Variants in LUC7L3 observed in about 807,000 individuals in gnomAD.
The protein encoded by LUC7L3 is luc7-like protein 3.
In LUC7L3, 6 loss-of-function variants were observed where a neutral mutation model predicts 66.8. That is an observed-to-expected ratio of 0.09 (90% CI 0.05 to 0.18). LUC7L3 has a LOEUF of 0.18. LUC7L3 is among the 10% of genes least tolerant of loss of function. The probability of loss-of-function intolerance (pLI) is 1.00; values close to 1 mark genes in which losing one functional copy is unlikely to be tolerated. For missense variants in LUC7L3, 341 were observed against 531.1 expected (o/e 0.64, Z 3.52); for synonymous variants, 160 against 174.7 (o/e 0.92, Z 0.66).
chr17:50,745,641 A>G, intron 7 of LUC7L3, 79 bp from the exon 8 acceptor site: 1 of 1,148,244 alleles, frequency 8.7e-7, no homozygotes, highest in South Asian at 1.6e-5. Flanking sequence ...TGGTCTACAG[A>G]TAACTTCACA....
In LUC7L3 at chr17:50,735,246, GAA is replaced by G. The variant is rs373882860; in HGVS notation, c.100-1705_100-1704del. On this transcript the variant is annotated intron_variant, in intron 1 of 9. Transcript: ENST00000505658. ...ACTCTGTCTCAAAAAAAAAAAAAAA[GAA>G]AAAAAAAACTTTCGTGTCTGTGAGG... Among the ~76,000 whole-genome samples, 37 of 54,162 alleles carry G rather than the reference GAA, an allele frequency of 6.8e-4. 1 individual carries two copies. The highest frequency in any genetic ancestry group is 4.6e-3 in the African/African-American group (29 of 6,328). 35.5% of individuals were successfully genotyped at this position (54,162 alleles called of 152,430 possible).
chr17:50,727,870 C>T (rs945237930), intron 1 of LUC7L3, among the ~76,000 whole-genome samples: 3 of 151,158 alleles, frequency 2.0e-5, no homozygotes, highest in Non-Finnish European at 4.4e-5. Flanking sequence ...CTTTGGAAGG[C>T]AGAGATGGTG....
chr17:50,728,411 A>G (rs937648642), intron 1 of LUC7L3, among the ~76,000 whole-genome samples: 2 of 152,228 alleles, frequency 1.3e-5, no homozygotes, highest in African/African-American at 2.4e-5. Flanking sequence ...TTTTATTAAA[A>G]ATTATTTCTT....
chr17:50,747,994 G>T (rs1970781407), intron 9 of LUC7L3, among the ~76,000 whole-genome samples: 1 of 152,128 alleles, frequency 6.6e-6, no homozygotes, highest in African/African-American at 2.4e-5. Context: ...TGGGTTGAGA[G>T]GTCAACTCTT....
chr17:50,743,055 G>A (rs967309282), intron 5 of LUC7L3, among the ~76,000 whole-genome samples: 7 of 152,204 alleles, frequency 4.6e-5, no homozygotes, highest in African/African-American at 1.7e-4. Flanking sequence ...ATCTGTGGTT[G>A]CCTGGGGATT....
intron 1 of LUC7L3, among the ~76,000 whole-genome samples, chr17:50,735,834 A>G (rs976991126): frequency 2.6e-5 from 4 of 152,086 alleles, no homozygotes; most frequent in African/African-American, 4.8e-5. Context: ...ATAGTTGTGC[A>G]TTAATAATCT....
intron 9 of LUC7L3, among the ~76,000 whole-genome samples, chr17:50,749,655 T>A (rs1970886498): frequency 6.6e-6 from 1 of 152,208 alleles, no homozygotes; most frequent in African/African-American, 2.4e-5. Flanking sequence ...AGACCAGCTA[T>A]TCTTAGTAAG....
At chr17:50,727,720 C>T (rs777442226) in intron 1 of LUC7L3, among the ~76,000 whole-genome samples, 9 of 152,142 alleles carry the variant, frequency 5.9e-5, no homozygotes, top group Admixed American at 3.3e-4. Flanking sequence ...GGAGAAAAAT[C>T]GGTGAATTTG....
At position 50,755,195 on chromosome 17, in the gene LUC7L3, AAAG is replaced by A. The variant is rs1343078078; in HGVS notation, c.*4535_*4537del. 6.6e-6 allele frequency: 1 copy of A among 152,166 alleles called. No individual in the cohort carries two copies. Among genetic ancestry groups the A allele is most frequent in the African/African-American group, 2.4e-5 (1 of 41,440 alleles). 9.4% of individuals were successfully genotyped at this position (152,166 alleles called of 1,614,324 possible). A position where few individuals can be genotyped will look rare whatever the true frequency, so the allele number is the denominator to read the frequency against. On this transcript the variant is annotated 3_prime_UTR_variant, in exon 10 of 10. Transcript: ENST00000505658. ...TAATGTTGCCCATGGTTAAAAAAAA[AAAG>A]TGTTCAGTGATCTATGTCTCCTACT...
At chr17:50,743,904 A>C (rs775683570) in intron 6 of LUC7L3, 94 bp downstream of exon 6, 10 of 915,594 alleles carry the variant, frequency 1.1e-5, no homozygotes, top group African/African-American at 1.7e-5. Flanking sequence ...TGATGTTCCA[A>C]ACTTAGAGTC....
rs1281910205 is a variant in LUC7L3 at position 50,752,629 on chromosome 17, G to T, written c.*1968G>T. 2 of 152,842 alleles carry T rather than the reference G, an allele frequency of 1.3e-5. No individual in the cohort carries two copies. The highest frequency in any genetic ancestry group is 2.9e-5 in the Non-Finnish European group (2 of 68,288). The allele number at this position is 152,842 out of a possible 1,614,324, so 9.5% of individuals were successfully genotyped here. A position where few individuals can be genotyped will look rare whatever the true frequency, so the allele number is the denominator to read the frequency against. On this transcript the variant is annotated 3_prime_UTR_variant, in exon 10 of 10. Coordinates refer to ENST00000505658, the MANE Select transcript of LUC7L3 (RefSeq NM_016424.5). ...TTAGAAGTAAAAATAAAGTATCTCT[G>T]ACTTTCTGTTACAAAGTTGATTGTC...
rs1597950387 is a variant in LUC7L3 at position 50,752,345 on chromosome 17, G to A, written c.*1684G>A. Reference sequence around the variant, plus strand: ...TTTTTTATTATTATTATTATTAAAAGTTAATTCAGGACTGATGTGACCTAC... The same window carrying A: ...TTTTTTATTATTATTATTATTAAAAATTAATTCAGGACTGATGTGACCTAC... On this transcript the variant is annotated 3_prime_UTR_variant, in exon 10 of 10. Transcript: ENST00000505658. 4 of 681,448 alleles carry A rather than the reference G, an allele frequency of 5.9e-6. No homozygotes were observed. The Admixed American group carries it at 1.5e-4, about 26-fold the overall frequency. 42.2% of individuals were successfully genotyped at this position (681,448 alleles called of 1,614,324 possible). A position where few individuals can be genotyped will look rare whatever the true frequency, so the allele number is the denominator to read the frequency against.
chr17:50,752,917 T>A lies in LUC7L3; in HGVS notation c.*2256T>A, dbSNP rs935581979. 7 of 151,076 alleles carry A rather than the reference T, an allele frequency of 4.6e-5. No homozygotes were observed. The highest frequency in any genetic ancestry group is 1.3e-4 in the Admixed American group (2 of 15,124). 9.4% of individuals were successfully genotyped at this position (151,076 alleles called of 1,614,324 possible). On this transcript the variant is annotated 3_prime_UTR_variant, in exon 10 of 10. Coordinates refer to ENST00000505658, the MANE Select transcript of LUC7L3 (RefSeq NM_016424.5). Reference sequence around the variant, plus strand: ...CAGTGAACTAGAATATATTTTTACATCCCTGAGAGATTCATTTAGTAGAAA... The same window carrying A: ...CAGTGAACTAGAATATATTTTTACAACCCTGAGAGATTCATTTAGTAGAAA...
At chr17:50,744,866 C>T in intron 7 of LUC7L3, 53 bp downstream of exon 7, 2 of 1,480,714 alleles carry the variant, frequency 1.4e-6, no homozygotes, top group Admixed American at 1.9e-5. Flanking sequence ...ACCTAGAGTG[C>T]AGTGACGCGA....
chr17:50,746,437 T>C, intron 8 of LUC7L3, 105 bp from the exon 9 acceptor site: 1 of 972,462 alleles, frequency 1.0e-6, no homozygotes, highest in Non-Finnish European at 1.5e-6. Context: ...AAATATGTTT[T>C]AGAGGGTAAG....
Position 50,754,400 on chromosome 17 carries a change from C to G in LUC7L3, c.*3739C>G, listed in dbSNP as rs943097567. 6.6e-6 allele frequency: 1 copy of G among 152,194 alleles called. No homozygotes were observed. The highest frequency in any genetic ancestry group is 2.4e-5 in the African/African-American group (1 of 41,450). 9.4% of individuals were successfully genotyped at this position (152,194 alleles called of 1,614,324 possible). On this transcript the variant is annotated 3_prime_UTR_variant, in exon 10 of 10. Coordinates refer to ENST00000505658, the MANE Select transcript of LUC7L3 (RefSeq NM_016424.5). ...TTTTCTATTATTTTCGAGCAAGTCT[C>G]AGACACACCATTTAATCTGTAAATA...
In LUC7L3 at chr17:50,754,826, CCTT is replaced by C. The variant is rs1467572465; in HGVS notation, c.*4166_*4168del. ...AGTGTCACAGAGGATAAATAACCAACCTTATTTCTAAGGTCTGAGAACACTTGG... is the reference window on the plus strand; with the variant it reads ...AGTGTCACAGAGGATAAATAACCAACATTTCTAAGGTCTGAGAACACTTGG... On this transcript the variant is annotated 3_prime_UTR_variant, in exon 10 of 10. Transcript: ENST00000505658. 6.6e-6 allele frequency: 1 copy of C among 152,118 alleles called. No homozygotes were observed. Among genetic ancestry groups the C allele is most frequent in the Non-Finnish European group, 1.5e-5 (1 of 68,018 alleles). The allele number at this position is 152,118 out of a possible 1,614,324, so 9.4% of individuals were successfully genotyped here. A position where few individuals can be genotyped will look rare whatever the true frequency, so the allele number is the denominator to read the frequency against.
In LUC7L3 at chr17:50,722,807, A is replaced by G. The variant is rs1042337268; in HGVS notation, c.99+2976A>G. 3.3e-5 allele frequency: 5 copies of G among 152,320 alleles called. No individual in the cohort carries two copies. In the East Asian group the frequency reaches 7.7e-4, roughly 23 times the overall value. 9.4% of individuals were successfully genotyped at this position (152,320 alleles called of 1,614,324 possible). A position where few individuals can be genotyped will look rare whatever the true frequency, so the allele number is the denominator to read the frequency against. On this transcript the variant is annotated intron_variant, in intron 1 of 9. Transcript: ENST00000505658. ...GCTAGTGCTTTTACAGGCATTTCCA[A>G]CTTTGTAGATTGCTACCTCTGGATC... is the stretch of plus-strand genomic sequence containing the variant.
chr17:50,751,106 G>T lies in LUC7L3; in HGVS notation c.*445G>T. 6.9e-7 allele frequency: 1 copy of T among 1,443,580 alleles called. No individual in the cohort carries two copies. The allele number at this position is 1,443,580 out of a possible 1,614,324, so 89.4% of individuals were successfully genotyped here. Reference sequence around the variant, plus strand: ...TATGCTTTAAAAACTTAAATATTTCGGAGGCACATGTTGGACTACTTTGTT... The same window carrying T: ...TATGCTTTAAAAACTTAAATATTTCTGAGGCACATGTTGGACTACTTTGTT... On this transcript the variant is annotated 3_prime_UTR_variant, in exon 10 of 10. Coordinates refer to ENST00000505658, the MANE Select transcript of LUC7L3 (RefSeq NM_016424.5).
Sources: allele counts gnomAD v4.1 joint callset (sites outside exome capture counted in the v4.1 genomes callset), GRCh38; gene constraint gnomAD v4.1.1; transcripts MANE v1.5; gene names NCBI Gene and HGNC (gene_info 2026-07-23, HGNC 2026-07-21).